HS1BP3: variants seen among roughly 807,000 people sequenced by gnomAD.
HS1BP3 encodes HCLS1-binding protein 3.
HS1BP3 carries 32 observed loss-of-function variants against 33.5 expected under a neutral mutation model. The ratio of observed to expected loss-of-function variants is 0.95; its 90% CI spans 0.72 to 1.28. HS1BP3 has a LOEUF of 1.28. HS1BP3 is among the 50% of genes most tolerant of loss of function. HS1BP3 has a pLI of 0.00. For missense variants in HS1BP3, 486 were observed against 502.3 expected (o/e 0.97, Z 0.31); for synonymous variants, 187 against 209.2 (o/e 0.89, Z 0.92).
chr2:20,606,481 G>T, intron 2 of HS1BP3: 1 of 481,990 alleles, frequency 2.1e-6, no homozygotes, highest in Non-Finnish European at 4.2e-6. Flanking sequence ...CTTCCTTACA[G>T]GGTTTGTCTT....
In HS1BP3 at chr2:20,600,365, C is replaced by T. The variant is rs187747193; in HGVS notation, c.179-2100G>A. Among the ~76,000 whole-genome samples the T allele has an allele frequency of 1.6e-4, 25 of 152,222 alleles. No individual in the cohort carries two copies. In the East Asian group the frequency reaches 3.3e-3, roughly 20 times the overall value. The stretch of plus-strand genomic sequence containing the variant: ...AGAGGGATTAATAGAGCCCTGTTCT[C>T]GTTAAACCACAAAGCGCCATTATTA... On this transcript the variant is annotated intron_variant, in intron 2 of 3. Coordinates refer to the HS1BP3 transcript ENST00000415264.
chr2:20,579,508 C>T (rs1369322063), intron 5 of HS1BP3, among the ~76,000 whole-genome samples: 1 of 152,362 alleles, frequency 6.6e-6, no homozygotes, highest in Non-Finnish European at 1.5e-5. Context: ...TGGAGACTTC[C>T]GGCCCTCAGA....
At chr2:20,642,542 C>T (rs573198761) in intron 2 of HS1BP3, among the ~76,000 whole-genome samples, 2 of 152,360 alleles carry the variant, frequency 1.3e-5, no homozygotes, top group Admixed American at 6.5e-5. Context: ...CAGCCCGGCC[C>T]GCAGAGCAGG....
At position 20,575,604 on chromosome 2, in the gene HS1BP3, C is replaced by G. The variant is rs534557266; in HGVS notation, c.303-15089G>C. On this transcript the variant is annotated intron_variant, in intron 5 of 5. Transcript: ENST00000446825. ...CCCCGCCACATGCCAGGTGAGGAGCCAGGCACTGGGGAGAAAGCCACAGTG... is the reference window on the plus strand; with the variant it reads ...CCCCGCCACATGCCAGGTGAGGAGCGAGGCACTGGGGAGAAAGCCACAGTG... 2.8e-4 allele frequency among the ~76,000 whole-genome samples: 42 copies of G among 152,372 alleles called. 1 individual carries two copies. The highest frequency in any genetic ancestry group is 9.4e-4 in the African/African-American group (39 of 41,592).
chr2:20,575,289 C>T (rs919043343), intron 5 of HS1BP3, among the ~76,000 whole-genome samples: 22 of 152,332 alleles, frequency 1.4e-4, no homozygotes, highest in African/African-American at 5.1e-4. Flanking sequence ...GAATCAGGGC[C>T]GCAGCCTGGA....
At position 20,618,038 on chromosome 2, in the gene HS1BP3, A is replaced by T. The variant is rs1694471874; in HGVS notation, c.*949T>A. 6.6e-6 allele frequency: 1 copy of T among 152,474 alleles called. No homozygotes were observed. The highest frequency in any genetic ancestry group is 1.5e-5 in the Non-Finnish European group (1 of 68,086). The allele number at this position is 152,474 out of a possible 1,614,324, so 9.4% of individuals were successfully genotyped here. A position where few individuals can be genotyped will look rare whatever the true frequency, so the allele number is the denominator to read the frequency against. Reference sequence around the variant, plus strand: ...AGGACGACGAAGGCCTCGGGGCAGAAGCCTGAGAGAATCATGCCCCACTGG... The same window carrying T: ...AGGACGACGAAGGCCTCGGGGCAGATGCCTGAGAGAATCATGCCCCACTGG... On this transcript the variant is annotated 3_prime_UTR_variant, in exon 7 of 7. Transcript: ENST00000304031.
chr2:20,644,419 C>G (rs1167080590), intron 2 of HS1BP3, among the ~76,000 whole-genome samples: 1 of 152,202 alleles, frequency 6.6e-6, no homozygotes, highest in Admixed American at 6.5e-5. Context: ...AATATCACCT[C>G]CAAGTTGATG....
At chr2:20,635,620 T>A (rs894294583) in intron 4 of HS1BP3, 5 of 152,172 alleles carry the variant, frequency 3.3e-5, no homozygotes, top group Non-Finnish European at 7.4e-5. Flanking sequence ...CACCGTGACA[T>A]TCTAAAATAG....
intron 2 of HS1BP3, among the ~76,000 whole-genome samples, chr2:20,599,704 A>G (rs1373428767): frequency 6.6e-6 from 1 of 151,620 alleles, no homozygotes; most frequent in Non-Finnish European, 1.5e-5. Context: ...AAAAATAACA[A>G]TTGTTTTACA....
intron 2 of HS1BP3, among the ~76,000 whole-genome samples, chr2:20,607,932 G>A (rs1011571861): frequency 2.6e-5 from 4 of 151,998 alleles, no homozygotes; most frequent in African/African-American, 4.8e-5. Context: ...TTCTTTCAGC[G>A]GTGTTACATA....
intron 5 of HS1BP3, among the ~76,000 whole-genome samples, chr2:20,580,533 A>C: frequency 6.6e-6 from 1 of 152,144 alleles, no homozygotes; most frequent in Non-Finnish European, 1.5e-5. Flanking sequence ...AAAAGAAAAA[A>C]AAAGAAAAGA....
intron 2 of HS1BP3, among the ~76,000 whole-genome samples, chr2:20,600,684 A>C (rs908604620): frequency 1.3e-5 from 2 of 152,260 alleles, no homozygotes; most frequent in Non-Finnish European, 1.5e-5. Context: ...TAAATAAGCA[A>C]CATTTTTGTT....
intron 4 of HS1BP3, among the ~76,000 whole-genome samples, chr2:20,625,268 G>A (rs1174771082): frequency 6.6e-6 from 1 of 152,252 alleles, no homozygotes; most frequent in African/African-American, 2.4e-5. Flanking sequence ...GTCAGGAGGA[G>A]CAGGCGGCTG....
chr2:20,603,138 A>T (rs1331784847), intron 2 of HS1BP3, among the ~76,000 whole-genome samples: 2 of 152,216 alleles, frequency 1.3e-5, no homozygotes, highest in South Asian at 2.1e-4. Flanking sequence ...GGAATATAAG[A>T]TGGCACAATT....
rs866032261 is a variant in HS1BP3, at chr2:20,575,769, C to A, written c.303-15254G>T. On this transcript the variant is annotated intron_variant, in intron 5 of 5. Transcript: ENST00000446825. ...CTGTCTCCTTGGTTCCACCCCCCCC[C>A]CCCCCTTCAGGCTACCCCAGCAAGG... Among the ~76,000 whole-genome samples, 603 of 151,962 alleles carry A rather than the reference C, an allele frequency of 4.0e-3. 7 individuals are homozygous for A. The highest frequency in any genetic ancestry group is 0.014 in the African/African-American group (568 of 41,258).
At chr2:20,607,313 G>A (rs1240548350) in intron 2 of HS1BP3, among the ~76,000 whole-genome samples, 2 of 152,018 alleles carry the variant, frequency 1.3e-5, no homozygotes, top group Non-Finnish European at 2.9e-5. Flanking sequence ...CCATGACTAT[G>A]CCCAGCTAAT....
intron 2 of HS1BP3, among the ~76,000 whole-genome samples, chr2:20,602,302 A>C (rs1404683713): frequency 2.0e-5 from 3 of 152,072 alleles, no homozygotes; most frequent in Non-Finnish European, 4.4e-5. Context: ...ATGCCTGCAA[A>C]TCTTATATTA....
chr2:20,583,701 C>T lies in HS1BP3; in HGVS notation c.303-23186G>A, dbSNP rs371188713. Among the ~76,000 whole-genome samples, 70 of 152,238 alleles carry T rather than the reference C, an allele frequency of 4.6e-4. No individual in the cohort carries two copies. The South Asian group carries it at 0.014, about 31-fold the overall frequency. ...TGGGCTCTCCTCCGTCCCTGTGAGT[C>T]CCCCAGTAGAGGAAGGGTATTCAGA... On this transcript the variant is annotated intron_variant, in intron 5 of 5. Coordinates refer to the HS1BP3 transcript ENST00000446825.
In HS1BP3 at chr2:20,645,416, T is replaced by C. The variant is rs1374659166; in HGVS notation, c.122A>G (p.Tyr41Cys). ...CAGACGGGTCACCACCAGGATCTGG[T>C]ACTCCACGTGTCCAGACATCATCTT... The part of the protein sequence containing the change: ...RGKMMSGHVE[Y>C]QILVVTRLAA... The change falls in exon 2 of 7, where the codon TAC becomes TGC. Residue 41 changes from tyrosine to cysteine, a missense_variant. By Grantham distance (194) the Tyr-to-Cys change is radical (BLOSUM62 -2). Coordinates refer to ENST00000304031, the MANE Select transcript of HS1BP3 (RefSeq NM_022460.4). The C allele has an allele frequency of 1.2e-6, 2 of 1,614,040 alleles. No homozygotes were observed. The highest frequency in any genetic ancestry group is 1.7e-6 in the Non-Finnish European group (2 of 1,180,018).
Sources: allele counts gnomAD v4.1 joint callset (sites outside exome capture counted in the v4.1 genomes callset), GRCh38; gene constraint gnomAD v4.1.1; transcripts MANE v1.5; gene names NCBI Gene and HGNC (gene_info 2026-07-23, HGNC 2026-07-21).